Variants in NEXMIF observed in about 807,000 individuals in gnomAD.
NEXMIF encodes neurite extension and migration factor, also known as XLMR protein related to neurite extension.
A neutral mutation model predicts 62.1 loss-of-function variants in NEXMIF; 8 were observed. The ratio of observed to expected loss-of-function variants is 0.13; its 90% CI spans 0.08 to 0.23. NEXMIF has a LOEUF of 0.23. NEXMIF is among the 10% of genes least tolerant of loss of function. The pLI is 1.00. For synonymous variants in NEXMIF, 404 were observed against 416.6 expected (o/e 0.97, Z 0.37); for missense variants, 976 against 1,113.3 (o/e 0.88, Z 1.75).
At chrX:74,756,031 A>G (rs1027210561) in intron 1 of NEXMIF, among the ~76,000 whole-genome samples, 1 of 111,074 alleles carries the variant, frequency 9.0e-6, no homozygotes, top group African/African-American at 3.3e-5. Flanking sequence ...ACGTGCCACC[A>G]TACCCGACTA....
At chrX:74,748,112 T>C (rs945045379) in intron 1 of NEXMIF, among the ~76,000 whole-genome samples, 7 of 112,368 alleles carry the variant, frequency 6.2e-5, no homozygotes, top group Non-Finnish European at 9.4e-5. Flanking sequence ...AGATACACTT[T>C]GGCAAAAGAT....
At chrX:74,752,735 A>G (rs1335894782) in intron 1 of NEXMIF, among the ~76,000 whole-genome samples, 1 of 111,923 alleles carries the variant, frequency 8.9e-6, no homozygotes, top group Non-Finnish European at 1.9e-5. Flanking sequence ...TAAACCTTAT[A>G]ACTATAGGTA....
intron 1 of NEXMIF, among the ~76,000 whole-genome samples, chrX:74,866,687 T>G (rs1248143113): frequency 2.7e-5 from 3 of 112,510 alleles, no homozygotes; most frequent in Admixed American, 9.4e-5. Context: ...GAGTGGGTTT[T>G]TACCATGCTG....
chrX:74,839,661 C>T (rs759689045), intron 1 of NEXMIF, among the ~76,000 whole-genome samples: 2 of 111,740 alleles, frequency 1.8e-5, no homozygotes, highest in African/African-American at 3.2e-5. Context: ...TGAGAACACG[C>T]GGTATTTGGT....
intron 1 of NEXMIF, among the ~76,000 whole-genome samples, chrX:74,835,915 T>TA (rs1263187616): frequency 1.8e-5 from 2 of 111,920 alleles, no homozygotes; most frequent in East Asian, 2.8e-4. Context: ...GGATTGGAGT[T>TA]AAAAAAACAT....
intron 1 of NEXMIF, among the ~76,000 whole-genome samples, chrX:74,831,480 G>T (rs1310286344): frequency 1.8e-5 from 2 of 109,186 alleles, no homozygotes; most frequent in Admixed American, 2.0e-4. Flanking sequence ...TGCTGAGAAT[G>T]ATGGTTTCCA....
At chrX:74,755,498 G>A (rs951726434) in intron 1 of NEXMIF, among the ~76,000 whole-genome samples, 3 of 110,828 alleles carry the variant, frequency 2.7e-5, no homozygotes, top group Non-Finnish European at 3.8e-5. Flanking sequence ...TCTAGATATT[G>A]GTTCAACGTG....
chrX:74,920,952 A>T (rs1159202606), intron 1 of NEXMIF, among the ~76,000 whole-genome samples: 1 of 111,393 alleles, frequency 9.0e-6, no homozygotes, highest in Non-Finnish European at 1.9e-5. Context: ...GAAGCTGAAA[A>T]TTTTTTTAAT....
At chrX:74,904,781 G>C (rs987235839) in intron 1 of NEXMIF, among the ~76,000 whole-genome samples, 1 of 110,619 alleles carries the variant, frequency 9.0e-6, no homozygotes, top group African/African-American at 3.3e-5. Flanking sequence ...CAGAAATCTC[G>C]AGTACAATAT....
chrX:74,862,895 GCA>G (rs2080563126), intron 1 of NEXMIF, among the ~76,000 whole-genome samples: 1 of 111,324 alleles, frequency 9.0e-6, no homozygotes, highest in Admixed American at 9.6e-5. Flanking sequence ...AGAAAGCCAG[GCA>G]CAGTGGCTCA....
intron 1 of NEXMIF, among the ~76,000 whole-genome samples, chrX:74,915,851 G>A (rs923004108): frequency 1.8e-5 from 2 of 111,284 alleles, no homozygotes; most frequent in African/African-American, 3.3e-5. Flanking sequence ...TCCACCCAGA[G>A]ACCCCAGAAA....
At chrX:74,790,407 T>C (rs1172578719) in intron 1 of NEXMIF, among the ~76,000 whole-genome samples, 40 of 113,120 alleles carry the variant, frequency 3.5e-4, no homozygotes, top group African/African-American at 9.6e-4. Context: ...AGTCAGGTAG[T>C]GTGATGCCTC....
intron 1 of NEXMIF, among the ~76,000 whole-genome samples, chrX:74,768,724 G>A (rs1431009044): frequency 8.9e-6 from 1 of 112,052 alleles, no homozygotes; most frequent in African/African-American, 3.2e-5. Context: ...AACATTGGAT[G>A]GAGAAGCTGG....
intron 1 of NEXMIF, among the ~76,000 whole-genome samples, chrX:74,863,225 A>G (rs1385852728): frequency 9.0e-6 from 1 of 110,517 alleles, no homozygotes; most frequent in Non-Finnish European, 1.9e-5. Flanking sequence ...TAAAAGAACT[A>G]GAGAACCAAG....
intron 1 of NEXMIF, among the ~76,000 whole-genome samples, chrX:74,772,429 C>T (rs2080212745): frequency 8.9e-6 from 1 of 112,285 alleles, no homozygotes; most frequent in Admixed American, 9.5e-5. Flanking sequence ...TCAAAACAGC[C>T]TGAAGTGGAA....
chrX:74,757,743 C>T (rs961841483), intron 1 of NEXMIF, among the ~76,000 whole-genome samples: 6 of 111,459 alleles, frequency 5.4e-5, no homozygotes, highest in African/African-American at 9.8e-5. Context: ...ACTCTTCCTA[C>T]ATCTTCTTTT....
intron 1 of NEXMIF, among the ~76,000 whole-genome samples, chrX:74,766,423 T>A (rs2080195100): frequency 8.9e-6 from 1 of 112,211 alleles, no homozygotes; most frequent in South Asian, 3.7e-4. Context: ...TCAGAGGTTT[T>A]GTTTGTTCCT....
intron 1 of NEXMIF, among the ~76,000 whole-genome samples, chrX:74,862,838 G>A (rs755947991): frequency 1.8e-5 from 2 of 111,144 alleles, no homozygotes; most frequent in Non-Finnish European, 3.8e-5. Context: ...AGCTAAAGCA[G>A]TGTTAAAAGG....
chrX:74,773,394 G>A (rs1041909474), intron 1 of NEXMIF, among the ~76,000 whole-genome samples: 7 of 111,566 alleles, frequency 6.3e-5, no homozygotes, highest in African/African-American at 2.0e-4. Context: ...AGCAGGAGGG[G>A]AATCAGGATT....
Sources: gnomAD v4.1 joint callset for allele counts (sites outside exome capture counted in the v4.1 genomes callset) on GRCh38, gnomAD v4.1.1 for gene constraint, MANE v1.5 for transcripts, NCBI Gene and HGNC (gene_info 2026-07-23, HGNC 2026-07-21) for gene names.